The following GALNTL6 variants were observed in gnomAD, a reference collection of about 807,000 sequenced individuals.
GALNTL6 encodes the protein polypeptide N-acetylgalactosaminyltransferase like 6, also known as polypeptide N-acetylgalactosaminyltransferase-like 6.
GALNTL6 carries 46 observed loss-of-function variants against 73.7 expected under a neutral mutation model. That is an observed-to-expected ratio of 0.62 (90% CI 0.49 to 0.80). The LOEUF (loss-of-function observed/expected upper bound fraction) is 0.80. Among genes scored for constraint, GALNTL6 ranks in the 30% least tolerant of loss-of-function variants. The pLI, the probability that GALNTL6 is intolerant of heterozygous loss-of-function variation, is 0.00. For synonymous variants in GALNTL6, 259 were observed against 263.7 expected, an observed-to-expected ratio of 0.98 and a Z score of 0.17; for missense variants, 604 against 755.0, an observed-to-expected ratio of 0.80 and a Z score of 2.34.
intron 2 of GALNTL6, among the ~76,000 whole-genome samples, chr4:172,134,333 C>T (rs750106079): frequency 1.3e-5 from 2 of 151,002 alleles, no homozygotes; most frequent in South Asian, 4.2e-4. Context: ...TGCAGTGAGC[C>T]GAGATCACTC....
chr4:172,009,167 C>A (rs1740926276), intron 2 of GALNTL6, among the ~76,000 whole-genome samples: 1 of 151,962 alleles, frequency 6.6e-6, no homozygotes, highest in Admixed American at 6.6e-5. Context: ...TTCATAAAAA[C>A]ATTTGAGCTA....
chr4:172,263,328 CT>C (rs1738320430), intron 3 of GALNTL6, among the ~76,000 whole-genome samples: 2 of 150,910 alleles, frequency 1.3e-5, no homozygotes, highest in Admixed American at 1.3e-4. Context: ...AATTTATTTT[CT>C]TTGTCTTTGT....
At chr4:172,592,712 C>CTATT (rs1737697771) in intron 5 of GALNTL6, among the ~76,000 whole-genome samples, 1 of 152,002 alleles carries the variant, frequency 6.6e-6, no homozygotes, top group African/African-American at 2.4e-5. Flanking sequence ...ATCTATCTAT[C>CTATT]TATCGAGAGA....
intron 3 of GALNTL6, among the ~76,000 whole-genome samples, chr4:172,270,171 C>CTGTGTGTG (rs758294136): frequency 1.1e-4 from 17 of 150,264 alleles, no homozygotes; most frequent in African/African-American, 3.7e-4. Flanking sequence ...TCTCTGTCCA[C>CTGTGTGTG]TGTGTGTGTG....
At chr4:172,253,249 G>A (rs1278060060) in intron 3 of GALNTL6, among the ~76,000 whole-genome samples, 1 of 151,952 alleles carries the variant, frequency 6.6e-6, no homozygotes, top group Admixed American at 6.6e-5. Context: ...TCAATGTGGG[G>A]TAGTGTGTTC....
chr4:171,918,285 G>A (rs1737684176), intron 2 of GALNTL6, among the ~76,000 whole-genome samples: 1 of 152,048 alleles, frequency 6.6e-6, no homozygotes, highest in Admixed American at 6.6e-5. Flanking sequence ...AGTCTGACAT[G>A]TACTCTGACT....
chr4:172,250,360 T>C (rs1179415949), intron 3 of GALNTL6, among the ~76,000 whole-genome samples: 1 of 152,190 alleles, frequency 6.6e-6, no homozygotes, highest in Non-Finnish European at 1.5e-5. Context: ...AGATGAAACC[T>C]TGGACTTGGA....
chr4:171,908,658 G>A (rs1490897066), intron 2 of GALNTL6, among the ~76,000 whole-genome samples: 1 of 150,842 alleles, frequency 6.6e-6, no homozygotes, highest in Non-Finnish European at 1.5e-5. Context: ...ATACCCAAAG[G>A]ACTATAAATC....
At position 172,782,966 on chromosome 4, in the gene GALNTL6, A is replaced by AAT. The variant is rs537021195; in HGVS notation, c.554-26395_554-26394insAT. Among the ~76,000 whole-genome samples the AAT allele has an allele frequency of 3.2e-3, 483 of 152,206 alleles. 2 individuals carry two copies. The highest frequency in any genetic ancestry group is 0.011 in the African/African-American group (471 of 41,546). On this transcript the variant is annotated intron_variant, in intron 5 of 12. Transcript: ENST00000506823. ...ATGTCACATGTATTTCCCAGGACAA[A>AAT]GCCCAAAATGCACAGTAATTGGCAG...
intron 5 of GALNTL6, among the ~76,000 whole-genome samples, chr4:172,437,092 A>G (rs1731660483): frequency 6.6e-6 from 1 of 152,084 alleles, no homozygotes; most frequent in Non-Finnish European, 1.5e-5. Context: ...CCACCCAACT[A>G]CTTCATGTGT....
chr4:172,003,240 G>C (rs1186076664), intron 2 of GALNTL6, among the ~76,000 whole-genome samples: 1 of 151,920 alleles, frequency 6.6e-6, no homozygotes, highest in Non-Finnish European at 1.5e-5. Flanking sequence ...ACTTGTATTT[G>C]AAATTATTAC....
intron 9 of GALNTL6, among the ~76,000 whole-genome samples, chr4:172,937,608 A>C (rs1748687127): frequency 6.6e-6 from 1 of 152,250 alleles, no homozygotes. Flanking sequence ...AGAAATGCTT[A>C]CTGTGCCAGT....
chr4:172,419,850 G>T (rs1293227134), intron 5 of GALNTL6, among the ~76,000 whole-genome samples: 2 of 152,046 alleles, frequency 1.3e-5, no homozygotes, highest in Non-Finnish European at 2.9e-5. Context: ...TTACTTTTAT[G>T]GCATGCTTTC....
intron 5 of GALNTL6, among the ~76,000 whole-genome samples, chr4:172,805,896 G>A (rs1740927751): frequency 6.6e-6 from 1 of 152,000 alleles, no homozygotes; most frequent in African/African-American, 2.4e-5. Flanking sequence ...AATGGCTGTT[G>A]GGGCTGGATG....
In GALNTL6 at chr4:172,095,501, C is replaced by CT. The variant is rs1278293075; in HGVS notation, c.139-134155_139-134154insT. Among the ~76,000 whole-genome samples the CT allele has an allele frequency of 2.6e-5, 4 of 152,260 alleles. No homozygotes were observed. The East Asian group carries it at 5.8e-4, about 22-fold the overall frequency. ...GGAACATTAATCAAACAGGAAAAAG[C>CT]AGTACCCTTTGTTATATATTTGCGT... On this transcript the variant is annotated intron_variant, in intron 2 of 12. Coordinates refer to ENST00000506823, the MANE Select transcript of GALNTL6 (RefSeq NM_001034845.3).
chr4:173,025,056 G>A (rs1753177044), intron 12 of GALNTL6, among the ~76,000 whole-genome samples: 1 of 152,210 alleles, frequency 6.6e-6, no homozygotes, highest in Non-Finnish European at 1.5e-5. Context: ...TTGGGTGGAT[G>A]AAAGTTGTTT....
chr4:172,738,456 A>C (rs1736596331), intron 5 of GALNTL6, among the ~76,000 whole-genome samples: 1 of 152,122 alleles, frequency 6.6e-6, no homozygotes, highest in African/African-American at 2.4e-5. Context: ...TTGTCTCTAC[A>C]CCACCATTTT....
At chr4:172,236,152 A>T (rs1737233088) in intron 3 of GALNTL6, among the ~76,000 whole-genome samples, 2 of 152,196 alleles carry the variant, frequency 1.3e-5, no homozygotes, top group African/African-American at 4.8e-5. Flanking sequence ...AGTGTTTCAC[A>T]TTGTATTTGC....
At chr4:172,600,111 T>C (rs920464281) in intron 5 of GALNTL6, among the ~76,000 whole-genome samples, 3 of 151,804 alleles carry the variant, frequency 2.0e-5, no homozygotes, top group Non-Finnish European at 2.9e-5. Flanking sequence ...TCGGACACTC[T>C]TTTTTTCATT....
Sources: gnomAD v4.1 joint callset for allele counts (sites outside exome capture counted in the v4.1 genomes callset) on GRCh38, gnomAD v4.1.1 for gene constraint, MANE v1.5 for transcripts, NCBI Gene and HGNC (gene_info 2026-07-23, HGNC 2026-07-21) for gene names.